Variants in AGFG1 observed in about 807,000 individuals in gnomAD.
AGFG1 encodes ArfGAP with FG repeats 1.
A neutral mutation model predicts 60.6 loss-of-function variants in AGFG1; 10 were observed. That is an observed-to-expected ratio of 0.16 (90% confidence interval 0.10 to 0.28). The LOEUF (loss-of-function observed/expected upper bound fraction) is 0.28, where lower values mean the gene tolerates loss of function less well. Ranked by LOEUF, AGFG1 falls within the 10% of genes least tolerant of loss-of-function variation. AGFG1 has a pLI of 1.00. For synonymous variants in AGFG1, 247 were observed against 242.9 expected (o/e 1.02, Z -0.16); for missense variants, 537 against 676.5 (o/e 0.79, Z 2.29).
At chr2:227,489,395 T>C (rs1186040643) in intron 1 of AGFG1, among the ~76,000 whole-genome samples, 2 of 149,730 alleles carry the variant, frequency 1.3e-5, no homozygotes, top group Non-Finnish European at 3.0e-5. Flanking sequence ...CTAATTTTCG[T>C]ATTTTTAGTA....
intron 1 of AGFG1, among the ~76,000 whole-genome samples, chr2:227,487,503 G>C (rs987133390): frequency 6.6e-6 from 1 of 151,918 alleles, no homozygotes; most frequent in Admixed American, 6.6e-5. Context: ...ATTGTTATTT[G>C]TTTAACCATT....
At chr2:227,528,998 G>A (rs576719020) in intron 5 of AGFG1, among the ~76,000 whole-genome samples, 2 of 152,282 alleles carry the variant, frequency 1.3e-5, no homozygotes, top group African/African-American at 4.8e-5. Flanking sequence ...CCTGAGAGGA[G>A]TTGTTTTTTA....
intron 8 of AGFG1, among the ~76,000 whole-genome samples, chr2:227,536,248 A>G (rs1246877827): frequency 6.9e-6 from 1 of 144,374 alleles, no homozygotes; most frequent in Non-Finnish European, 1.5e-5. Context: ...TTCAACTCAC[A>G]CCTATGAGTG....
At chr2:227,530,104 G>T (rs1692114813) in intron 5 of AGFG1, among the ~76,000 whole-genome samples, 1 of 152,200 alleles carries the variant, frequency 6.6e-6, no homozygotes, top group Admixed American at 6.5e-5. Context: ...ACAACTATTA[G>T]CAAGACTCAG....
chr2:227,502,819 T>C (rs1691198845), intron 2 of AGFG1, among the ~76,000 whole-genome samples: 1 of 152,208 alleles, frequency 6.6e-6, no homozygotes, highest in Non-Finnish European at 1.5e-5. Context: ...CTCAAATTAA[T>C]TTTAGTGTAT....
intron 5 of AGFG1, among the ~76,000 whole-genome samples, chr2:227,526,053 T>A (rs1212796624): frequency 6.6e-6 from 1 of 152,198 alleles, no homozygotes; most frequent in East Asian, 1.9e-4. Flanking sequence ...TAATGGTGAC[T>A]TTTTTCTTTA....
chr2:227,527,923 T>C (rs1692044589), intron 5 of AGFG1, among the ~76,000 whole-genome samples: 2 of 152,210 alleles, frequency 1.3e-5, no homozygotes, highest in South Asian at 4.1e-4. Flanking sequence ...GCTGATAGAA[T>C]GGACTTCCTG....
intron 10 of AGFG1, among the ~76,000 whole-genome samples, chr2:227,542,599 G>A (rs1692524228): frequency 6.6e-6 from 1 of 152,164 alleles, no homozygotes; most frequent in Non-Finnish European, 1.5e-5. Context: ...ATGTTCATCA[G>A]GGATATTGGT....
chr2:227,525,218 A>G (rs924090862), intron 5 of AGFG1, among the ~76,000 whole-genome samples: 1 of 152,174 alleles, frequency 6.6e-6, no homozygotes, highest in Non-Finnish European at 1.5e-5. Context: ...TCTAACGTTT[A>G]TGTGCTAATC....
At chr2:227,483,792 A>G (rs1690538555) in intron 1 of AGFG1, among the ~76,000 whole-genome samples, 2 of 152,186 alleles carry the variant, frequency 1.3e-5, no homozygotes, top group African/African-American at 4.8e-5. Context: ...GGGTGAACGT[A>G]AGTTTTCATT....
chr2:227,477,289 C>G (rs567118803), intron 1 of AGFG1, among the ~76,000 whole-genome samples: 16 of 152,106 alleles, frequency 1.1e-4, no homozygotes, highest in Admixed American at 5.9e-4. Flanking sequence ...GCTGGAGATA[C>G]AACAGTTAAA....
intron 2 of AGFG1, among the ~76,000 whole-genome samples, chr2:227,512,578 A>T (rs149333343): frequency 4.6e-5 from 7 of 152,190 alleles, no homozygotes; most frequent in African/African-American, 1.7e-4. Context: ...TCCCTCGTTT[A>T]TTCCTTTTAG....
chr2:227,533,530 T>C lies in AGFG1; in HGVS notation c.815-19T>C, dbSNP rs1304787232. 6.2e-7 allele frequency: 1 copy of C among 1,609,528 alleles called. No homozygotes were observed. The highest frequency in any genetic ancestry group is 1.7e-5 in the Admixed American group (1 of 59,906). On this transcript the variant is annotated intron_variant, in intron 6 of 12. Transcript: ENST00000310078. ...GGAAAAGCTTAGAAATTTCAAGTGC[T>C]CTGTTTATTCTGTTACAGGTGGAAG...
chr2:227,551,336 G>A (rs1364464417), intron 10 of AGFG1, among the ~76,000 whole-genome samples: 1 of 152,066 alleles, frequency 6.6e-6, no homozygotes. Flanking sequence ...GTGTGTGTGT[G>A]TATGGAATTG....
At chr2:227,499,129 C>T (rs1452672797) in intron 2 of AGFG1, among the ~76,000 whole-genome samples, 4 of 152,160 alleles carry the variant, frequency 2.6e-5, no homozygotes, top group Non-Finnish European at 4.4e-5. Flanking sequence ...CTGTAAATTT[C>T]AAGGACTTTA....
intron 5 of AGFG1, among the ~76,000 whole-genome samples, chr2:227,529,865 G>A (rs1199327500): frequency 1.3e-5 from 2 of 151,640 alleles, no homozygotes; most frequent in Admixed American, 6.6e-5. Context: ...AGGGGTTTAG[G>A]ATACTAGATA....
chr2:227,536,025 A>G (rs1553548959), intron 8 of AGFG1, among the ~76,000 whole-genome samples: 1 of 151,040 alleles, frequency 6.6e-6, no homozygotes, highest in Non-Finnish European at 1.5e-5. Flanking sequence ...GTGTCTTTTT[A>G]TTTTTTTTTA....
At chr2:227,488,168 A>G (rs533425640) in intron 1 of AGFG1, among the ~76,000 whole-genome samples, 3 of 152,296 alleles carry the variant, frequency 2.0e-5, no homozygotes, top group African/African-American at 7.2e-5. Flanking sequence ...TCCTTTCCAC[A>G]TTTGGTTATG....
At chr2:227,510,375 G>A (rs1379617657) in intron 2 of AGFG1, among the ~76,000 whole-genome samples, 1 of 152,122 alleles carries the variant, frequency 6.6e-6, no homozygotes, top group Admixed American at 6.5e-5. Context: ...GGTTCACAGA[G>A]GCTGTATTCA....
Sources: allele counts gnomAD v4.1 joint callset (sites outside exome capture counted in the v4.1 genomes callset), GRCh38; gene constraint gnomAD v4.1.1; transcripts MANE v1.5; gene names NCBI Gene and HGNC (gene_info 2026-07-23, HGNC 2026-07-21).